ADAMTS19: variants seen among roughly 807,000 people sequenced by gnomAD.
ADAMTS19 encodes the protein A disintegrin and metalloproteinase with thrombospondin motifs 19.
In ADAMTS19, 93 loss-of-function variants were observed where a neutral mutation model predicts 153.3. The observed-to-expected ratio is 0.61, with a 90% CI of 0.51 to 0.72. The LOEUF (loss-of-function observed/expected upper bound fraction) is 0.72. Ranked by LOEUF, ADAMTS19 falls within the 30% of genes least tolerant of loss-of-function variation. The pLI, the probability that ADAMTS19 is intolerant of heterozygous loss-of-function variation, is 0.00. For synonymous variants in ADAMTS19, 600 were observed against 556.6 expected, an observed-to-expected ratio of 1.08 and a Z score of -1.10; for missense variants, 1,482 against 1,552.1, an observed-to-expected ratio of 0.95 and a Z score of 0.76.
At chr5:129,523,740 G>A (rs1751906600) in intron 3 of ADAMTS19, among the ~76,000 whole-genome samples, 1 of 151,934 alleles carries the variant, frequency 6.6e-6, no homozygotes, top group Non-Finnish European at 1.5e-5. Flanking sequence ...GAATACCTAG[G>A]AATTCAACTT....
At chr5:129,606,638 T>G (rs1458269350) in intron 8 of ADAMTS19, among the ~76,000 whole-genome samples, 5 of 152,222 alleles carry the variant, frequency 3.3e-5, no homozygotes, top group African/African-American at 9.6e-5. Flanking sequence ...ATGAATGAAT[T>G]TGAAATTCCT....
intron 2 of ADAMTS19, among the ~76,000 whole-genome samples, chr5:129,500,790 A>G (rs951355248): frequency 2.0e-5 from 3 of 152,150 alleles, no homozygotes; most frequent in African/African-American, 7.2e-5. Context: ...CTAACTGTAC[A>G]AAGTTGATAC....
intron 12 of ADAMTS19, 52 bp downstream of exon 12, chr5:129,647,947 A>G (rs1753142077): frequency 6.3e-7 from 1 of 1,578,274 alleles, no homozygotes; most frequent in Non-Finnish European, 8.7e-7. Flanking sequence ...TTTGGAATGC[A>G]AAGGTTTTAC....
intron 10 of ADAMTS19, among the ~76,000 whole-genome samples, chr5:129,638,434 A>C (rs1752626794): frequency 6.6e-6 from 1 of 151,778 alleles, no homozygotes. Context: ...GTTATTCCTA[A>C]TAGTATTTAT....
intron 3 of ADAMTS19, among the ~76,000 whole-genome samples, chr5:129,521,328 A>T (rs1751790615): frequency 6.6e-6 from 1 of 152,164 alleles, no homozygotes; most frequent in South Asian, 2.1e-4. Context: ...GCATGTTCCC[A>T]TTTAGAGATC....
intron 3 of ADAMTS19, among the ~76,000 whole-genome samples, chr5:129,519,250 G>A: frequency 6.6e-6 from 1 of 152,088 alleles, no homozygotes; most frequent in Non-Finnish European, 1.5e-5. Flanking sequence ...CTGGCCCAGG[G>A]GATGTCTGGA....
intron 7 of ADAMTS19, among the ~76,000 whole-genome samples, chr5:129,596,139 T>G (rs762044068): frequency 2.0e-5 from 3 of 152,046 alleles, no homozygotes; most frequent in Admixed American, 6.6e-5. Context: ...CAAGACTGCT[T>G]TATATGTAGT....
intron 8 of ADAMTS19, among the ~76,000 whole-genome samples, chr5:129,610,704 G>A (rs531507984): frequency 6.6e-6 from 1 of 152,224 alleles, no homozygotes; most frequent in Admixed American, 6.5e-5. Context: ...GGACATTTGG[G>A]TTGGTTCCAA....
At chr5:129,727,174 T>C (rs1293225914) in intron 21 of ADAMTS19, among the ~76,000 whole-genome samples, 5 of 152,212 alleles carry the variant, frequency 3.3e-5, no homozygotes, top group African/African-American at 1.2e-4. Context: ...GTGTTTATTG[T>C]CTAATACATG....
At chr5:129,626,752 A>G (rs1752068665) in intron 10 of ADAMTS19, among the ~76,000 whole-genome samples, 1 of 152,144 alleles carries the variant, frequency 6.6e-6, no homozygotes, top group Non-Finnish European at 1.5e-5. Flanking sequence ...TACAGCAGGA[A>G]TCAAAGATCC....
chr5:129,533,986 T>C (rs915293574), intron 6 of ADAMTS19, among the ~76,000 whole-genome samples: 3 of 152,192 alleles, frequency 2.0e-5, no homozygotes, highest in Admixed American at 6.5e-5. Flanking sequence ...TCTGTTCTTT[T>C]ATATTTGCTG....
intron 3 of ADAMTS19, among the ~76,000 whole-genome samples, chr5:129,513,490 G>A (rs376533588): frequency 2.6e-5 from 4 of 151,444 alleles, no homozygotes; most frequent in African/African-American, 9.7e-5. Flanking sequence ...AGTGAGACCC[G>A]ATCTCATCTC....
intron 3 of ADAMTS19, among the ~76,000 whole-genome samples, chr5:129,524,960 T>C (rs192708887): frequency 6.6e-6 from 1 of 152,242 alleles, no homozygotes; most frequent in Non-Finnish European, 1.5e-5. Flanking sequence ...CAGTATTATG[T>C]GGATGAACCT....
At chr5:129,537,764 T>G (rs10478888) in intron 6 of ADAMTS19, among the ~76,000 whole-genome samples, 8,833 of 149,328 alleles carry the variant, frequency 0.059, 399 homozygotes, top group African/African-American at 0.12. Flanking sequence ...CATCACACAC[T>G]GGGGCCTGTT....
At chr5:129,572,967 T>C (rs1048935651) in intron 7 of ADAMTS19, among the ~76,000 whole-genome samples, 1 of 152,046 alleles carries the variant, frequency 6.6e-6, no homozygotes, top group African/African-American at 2.4e-5. Context: ...TTTATCTGAT[T>C]GTTAGATTTG....
At chr5:129,624,273 A>G (rs913325032) in intron 10 of ADAMTS19, among the ~76,000 whole-genome samples, 2 of 152,046 alleles carry the variant, frequency 1.3e-5, no homozygotes, top group African/African-American at 4.8e-5. Context: ...GTGTGTGACA[A>G]TTATGACATT....
intron 8 of ADAMTS19, among the ~76,000 whole-genome samples, chr5:129,620,350 C>T (rs552607450): frequency 4.0e-5 from 6 of 151,564 alleles, no homozygotes; most frequent in Admixed American, 1.3e-4. Flanking sequence ...AGGTCATTTC[C>T]GTATAAAGGA....
At chr5:129,683,974 G>A (rs544315471) in intron 17 of ADAMTS19, 146 bp from the exon 18 acceptor site, 2 of 760,422 alleles carry the variant, frequency 2.6e-6, no homozygotes, top group South Asian at 5.6e-5. Context: ...TGCATTAAGA[G>A]AAGGGTATGT....
chr5:129,488,552 T>C (rs563937702), intron 2 of ADAMTS19, among the ~76,000 whole-genome samples: 1 of 152,268 alleles, frequency 6.6e-6, no homozygotes, highest in African/African-American at 2.4e-5. Flanking sequence ...AGGTTTTTAA[T>C]GTTACAATTG....
Sources: gnomAD v4.1 joint callset for allele counts (sites outside exome capture counted in the v4.1 genomes callset) on GRCh38, gnomAD v4.1.1 for gene constraint, MANE v1.5 for transcripts, NCBI Gene and HGNC (gene_info 2026-07-23, HGNC 2026-07-21) for gene names.